The following CPNE8 variants were observed in gnomAD, a reference collection of about 807,000 sequenced individuals.
CPNE8 encodes the protein copine 8.
CPNE8 carries 45 observed loss-of-function variants against 81.5 expected under a neutral mutation model. The observed-to-expected ratio is 0.55, with a 90% confidence interval of 0.44 to 0.71. The LOEUF is 0.71. CPNE8 is among the 30% of genes least tolerant of loss of function. The pLI is 0.00. For synonymous variants in CPNE8, 252 were observed against 226.3 expected, an observed-to-expected ratio of 1.11 and a Z score of -1.02; for missense variants, 594 against 672.1, an observed-to-expected ratio of 0.88 and a Z score of 1.28.
intron 19 of CPNE8, among the ~76,000 whole-genome samples, chr12:38,662,077 T>C (rs1298163374): frequency 1.3e-5 from 2 of 152,138 alleles, no homozygotes; most frequent in South Asian, 4.1e-4. Flanking sequence ...TTGAAAACTT[T>C]TCCTCAAAGA....
At chr12:38,843,239 A>G (rs1205099158) in intron 4 of CPNE8, among the ~76,000 whole-genome samples, 2 of 152,244 alleles carry the variant, frequency 1.3e-5, no homozygotes, top group African/African-American at 4.8e-5. Context: ...CAAGAGTAAC[A>G]GATATTGATG....
chr12:38,655,969 ATGTG>A (rs1938806153), intron 19 of CPNE8, among the ~76,000 whole-genome samples: 1 of 74,658 alleles, frequency 1.3e-5, no homozygotes, highest in South Asian at 3.9e-4. Flanking sequence ...CTTGCTAAGG[ATGTG>A]AAAAAAAAAA....
At position 38,843,458 on chromosome 12, in the gene CPNE8, G is replaced by A. The variant is rs187911809; in HGVS notation, c.291-3503C>T. On this transcript the variant is annotated intron_variant, in intron 4 of 19. Coordinates refer to ENST00000331366, the MANE Select transcript of CPNE8 (RefSeq NM_153634.3). ...CCTCTCTGTTGGGGGGCAGTAGGGA[G>A]GTTCTTTCCACTCCCCAAAGCCAAG... Among the ~76,000 whole-genome samples the A allele has an allele frequency of 1.1e-3, 169 of 152,082 alleles. No homozygotes were observed. The Middle Eastern group carries it at 0.034, about 31-fold the overall frequency.
At chr12:38,757,993 C>G (rs934954616) in intron 10 of CPNE8, among the ~76,000 whole-genome samples, 21 of 152,044 alleles carry the variant, frequency 1.4e-4, no homozygotes, top group African/African-American at 5.1e-4. Context: ...AATCTTCCCC[C>G]CAAGCAGTTG....
chr12:38,784,896 C>T (rs1374527989), intron 6 of CPNE8, among the ~76,000 whole-genome samples: 3 of 151,974 alleles, frequency 2.0e-5, no homozygotes, highest in Non-Finnish European at 2.9e-5. Flanking sequence ...TATCTCAAAT[C>T]AGAAAGAAAA....
At chr12:38,898,377 G>A (rs1944416100) in intron 1 of CPNE8, among the ~76,000 whole-genome samples, 1 of 151,988 alleles carries the variant, frequency 6.6e-6, no homozygotes, top group Admixed American at 6.6e-5. Context: ...AAGTTCCCAG[G>A]ACAAATTTTA....
intron 5 of CPNE8, among the ~76,000 whole-genome samples, chr12:38,836,847 T>A (rs777276088): frequency 1.3e-5 from 2 of 152,202 alleles, no homozygotes; most frequent in Non-Finnish European, 2.9e-5. Flanking sequence ...TCTGTACTTG[T>A]ATGCTTTCAA....
intron 11 of CPNE8, among the ~76,000 whole-genome samples, chr12:38,728,545 C>T (rs374823453): frequency 4.0e-5 from 6 of 150,890 alleles, no homozygotes; most frequent in Admixed American, 2.0e-4. Flanking sequence ...GTTTGAGGAA[C>T]GAAACAAAAA....
chr12:38,852,428 C>CAAAA (rs138401295), intron 3 of CPNE8, among the ~76,000 whole-genome samples: 2 of 75,200 alleles, frequency 2.7e-5, no homozygotes, highest in African/African-American at 1.2e-4. Context: ...AGCTCTGTCT[C>CAAAA]AAAAAAAAAA....
rs368118379 is a variant in CPNE8, at chr12:38,675,698, T to C, written c.1432+19A>G. 5 of 1,515,568 alleles carry C rather than the reference T, an allele frequency of 3.3e-6. No homozygotes were observed. The African/African-American group carries it at 4.1e-5, about 12-fold the overall frequency. 93.9% of individuals were successfully genotyped at this position (1,515,568 alleles called of 1,614,324 possible). ...TTAAATGAACTCCCAAGGAATATTA[T>C]TGAAATTTTACTACTCACCATCAAA... On this transcript the variant is annotated intron_variant, in intron 18 of 19. Coordinates refer to ENST00000331366, the MANE Select transcript of CPNE8 (RefSeq NM_153634.3).
chr12:38,788,739 A>G (rs1389824738), intron 6 of CPNE8, among the ~76,000 whole-genome samples: 1 of 151,800 alleles, frequency 6.6e-6, no homozygotes, highest in Non-Finnish European at 1.5e-5. Context: ...CAAAAAAACT[A>G]TTAGAATTGA....
At chr12:38,762,563 G>A (rs1300177937) in intron 8 of CPNE8, among the ~76,000 whole-genome samples, 13 of 152,174 alleles carry the variant, frequency 8.5e-5, no homozygotes, top group Admixed American at 8.5e-4. Context: ...GAACAGCTTT[G>A]TTGGAGTGTT....
intron 13 of CPNE8, among the ~76,000 whole-genome samples, chr12:38,710,282 A>AAAAAAAAAC: frequency 6.7e-6 from 1 of 149,472 alleles, no homozygotes; most frequent in Non-Finnish European, 1.5e-5. Flanking sequence ...AAAAAAAAAA[A>AAAAAAAAAC]AAAAAACCAA....
intron 15 of CPNE8, among the ~76,000 whole-genome samples, chr12:38,690,100 C>G (rs547716942): frequency 6.6e-6 from 1 of 152,270 alleles, no homozygotes; most frequent in South Asian, 2.1e-4. Context: ...AGAAGACTCC[C>G]TTGCTATCCA....
chr12:38,872,459 C>T, intron 3 of CPNE8, among the ~76,000 whole-genome samples: 1 of 152,190 alleles, frequency 6.6e-6, no homozygotes, highest in Non-Finnish European at 1.5e-5. Flanking sequence ...TTAATATGCC[C>T]TCCACCTTCC....
intron 6 of CPNE8, among the ~76,000 whole-genome samples, chr12:38,778,096 A>C (rs1941972286): frequency 6.6e-6 from 1 of 152,218 alleles, no homozygotes; most frequent in African/African-American, 2.4e-5. Context: ...ATTGAGTTGT[A>C]TAATTATTTC....
At chr12:38,873,127 C>A in intron 2 of CPNE8, 77 bp from the exon 3 acceptor site, 1 of 893,328 alleles carries the variant, frequency 1.1e-6, no homozygotes, top group Non-Finnish European at 1.7e-6. Flanking sequence ...ATTTATTTTT[C>A]AGCTGTTCAA....
chr12:38,880,469 A>T (rs1268027461), intron 1 of CPNE8, among the ~76,000 whole-genome samples: 1 of 152,148 alleles, frequency 6.6e-6, no homozygotes, highest in African/African-American at 2.4e-5. Context: ...TAGAAGGGGA[A>T]TCTAGCATTT....
chr12:38,692,866 G>A (rs1939708476), intron 15 of CPNE8, among the ~76,000 whole-genome samples: 1 of 152,116 alleles, frequency 6.6e-6, no homozygotes, highest in Non-Finnish European at 1.5e-5. Context: ...TGACCAATAG[G>A]ATGTTGCAGA....
Sources: gnomAD v4.1 joint callset for allele counts (sites outside exome capture counted in the v4.1 genomes callset) on GRCh38, gnomAD v4.1.1 for gene constraint, MANE v1.5 for transcripts, NCBI Gene and HGNC (gene_info 2026-07-23, HGNC 2026-07-21) for gene names.